The following MSRA variants were observed in gnomAD, a reference collection of about 807,000 sequenced individuals.
MSRA encodes methionine sulfoxide reductase A.
Under a neutral mutation model 31.3 loss-of-function variants are expected in MSRA, and 54 were observed. That is an observed-to-expected ratio of 1.73 (90% CI 1.39 to 2.17). The LOEUF is 2.17. Among genes scored for constraint, MSRA ranks in the 30% most tolerant of loss-of-function variants. The pLI, the probability that MSRA is intolerant of heterozygous loss-of-function variation, is 0.00. For missense variants in MSRA, 507 were observed against 300.9 expected, an observed-to-expected ratio of 1.69 and a Z score of -5.07; for synonymous variants, 169 against 116.5, an observed-to-expected ratio of 1.45 and a Z score of -2.90.
At chr8:10,203,737 T>C (rs1260770990) in intron 1 of MSRA, among the ~76,000 whole-genome samples, 10 of 152,224 alleles carry the variant, frequency 6.6e-5, no homozygotes, top group African/African-American at 2.4e-4. Context: ...CCTGCAGTTA[T>C]AAAAAACTGT....
At chr8:10,282,418 G>GTTT (rs1799670133) in intron 3 of MSRA, among the ~76,000 whole-genome samples, 1 of 152,188 alleles carries the variant, frequency 6.6e-6, no homozygotes, top group Non-Finnish European at 1.5e-5. Flanking sequence ...CAAGATGAAA[G>GTTT]CTACAAAAGT....
At chr8:10,414,771 C>T (rs1485473975) in intron 5 of MSRA, among the ~76,000 whole-genome samples, 1 of 152,134 alleles carries the variant, frequency 6.6e-6, no homozygotes, top group African/African-American at 2.4e-5. Context: ...CTTGGCTTTC[C>T]CTGAAAAGTG....
intron 3 of MSRA, among the ~76,000 whole-genome samples, chr8:10,253,215 T>C (rs1432950954): frequency 6.6e-6 from 1 of 152,216 alleles, no homozygotes; most frequent in African/African-American, 2.4e-5. Flanking sequence ...ACTCCAATAA[T>C]GTCAGGGTCT....
intron 4 of MSRA, among the ~76,000 whole-genome samples, chr8:10,312,717 C>T (rs1801500130): frequency 6.6e-6 from 1 of 152,124 alleles, no homozygotes; most frequent in African/African-American, 2.4e-5. Context: ...TTTTAGTTTC[C>T]TCCAACGAAC....
At chr8:10,330,920 G>T (rs530434963) in intron 5 of MSRA, among the ~76,000 whole-genome samples, 1 of 152,170 alleles carries the variant, frequency 6.6e-6, no homozygotes, top group Non-Finnish European at 1.5e-5. Context: ...ATGGTGTTTG[G>T]ACATGGGGCC....
chr8:10,153,910 T>C (rs1405474709), intron 1 of MSRA, among the ~76,000 whole-genome samples: 5 of 152,238 alleles, frequency 3.3e-5, no homozygotes, highest in African/African-American at 1.2e-4. Flanking sequence ...ATAAAAATTA[T>C]CCAAATGTTT....
intron 2 of MSRA, among the ~76,000 whole-genome samples, chr8:10,239,742 A>G (rs1009489183): frequency 1.3e-5 from 2 of 152,232 alleles, no homozygotes; most frequent in Non-Finnish European, 2.9e-5. Context: ...GTGTGGGAAC[A>G]AAAGCTACAA....
At chr8:10,304,529 T>G (rs1011702125) in intron 4 of MSRA, among the ~76,000 whole-genome samples, 1 of 152,214 alleles carries the variant, frequency 6.6e-6, no homozygotes, top group Non-Finnish European at 1.5e-5. Context: ...TGGGGAACCC[T>G]GAAGGTCCAA....
intron 1 of MSRA, among the ~76,000 whole-genome samples, chr8:10,081,649 C>T (rs571967121): frequency 1.5e-4 from 23 of 152,254 alleles, no homozygotes; most frequent in African/African-American, 5.3e-4. Context: ...ACAACGACGC[C>T]TGACAAATCT....
chr8:10,428,417 A>G lies in MSRA; in HGVS notation c.*105A>G, dbSNP rs1352257527. The stretch of plus-strand genomic sequence containing the variant: ...TCGTGGCATTTAAAGTGCACAAAGT[A>G]CAAAGGAATTTATACAGATTGGGTT... On this transcript the variant is annotated 3_prime_UTR_variant, in exon 6 of 6. Coordinates refer to ENST00000317173, the MANE Select transcript of MSRA (RefSeq NM_012331.5). 4.9e-6 allele frequency: 6 copies of G among 1,237,092 alleles called. No individual in the cohort carries two copies. The highest frequency in any genetic ancestry group is 2.5e-5 in the East Asian group (1 of 40,436). The allele number at this position is 1,237,092 out of a possible 1,614,324, so 76.6% of individuals were successfully genotyped here.
rs111438114 is a variant in MSRA at position 10,181,864 on chromosome 8, G to A, written c.143-25969G>A. On this transcript the variant is annotated intron_variant, in intron 1 of 5. Coordinates refer to ENST00000317173, the MANE Select transcript of MSRA (RefSeq NM_012331.5). ...TACCCTTGGGTCATGTACCTGCATG[G>A]GAAAAGCCTTTATCCTGACCCCAAG... Among the ~76,000 whole-genome samples, 569 of 152,306 alleles carry A rather than the reference G, an allele frequency of 3.7e-3. 2 individuals carry two copies. The highest frequency in any genetic ancestry group is 0.013 in the African/African-American group (549 of 41,560).
At chr8:10,250,718 G>T in intron 3 of MSRA, 1 of 506,470 alleles carries the variant, frequency 2.0e-6, no homozygotes, top group Non-Finnish European at 3.5e-6. Context: ...TGACTGTATG[G>T]TCTGCAAAAC....
At chr8:10,373,970 G>C (rs1345637336) in intron 5 of MSRA, among the ~76,000 whole-genome samples, 1 of 152,196 alleles carries the variant, frequency 6.6e-6, no homozygotes, top group African/African-American at 2.4e-5. Context: ...CTGGACCCAA[G>C]GGCAGATGCA....
intron 3 of MSRA, among the ~76,000 whole-genome samples, chr8:10,246,321 T>C (rs372035642): frequency 1.3e-5 from 2 of 152,338 alleles, no homozygotes; most frequent in East Asian, 3.9e-4. Context: ...GCAAATTCTG[T>C]CTCGAATACC....
intron 5 of MSRA, among the ~76,000 whole-genome samples, chr8:10,397,699 C>A (rs1807185584): frequency 1.3e-5 from 2 of 152,346 alleles, no homozygotes; most frequent in South Asian, 4.1e-4. Context: ...CTTATTCATG[C>A]TCTCATGCTC....
intron 1 of MSRA, among the ~76,000 whole-genome samples, chr8:10,132,579 G>C (rs1801975753): frequency 6.6e-6 from 1 of 152,142 alleles, no homozygotes; most frequent in Admixed American, 6.5e-5. Context: ...TCTGCTTCCT[G>C]GTTTACAGGT....
At chr8:10,420,376 G>A (rs1249743015) in intron 5 of MSRA, among the ~76,000 whole-genome samples, 3 of 151,148 alleles carry the variant, frequency 2.0e-5, no homozygotes, top group Non-Finnish European at 4.4e-5. Context: ...TGATAATATT[G>A]GGGCTTCTCA....
intron 1 of MSRA, among the ~76,000 whole-genome samples, chr8:10,182,585 G>T (rs1420513240): frequency 1.3e-5 from 2 of 152,074 alleles, no homozygotes; most frequent in African/African-American, 4.8e-5. Context: ...TTTATTTATT[G>T]TGGGCACATA....
intron 3 of MSRA, among the ~76,000 whole-genome samples, chr8:10,256,678 C>G (rs1398626026): frequency 1.3e-5 from 2 of 152,212 alleles, no homozygotes; most frequent in Non-Finnish European, 2.9e-5. Context: ...AAACTTCCAA[C>G]AGTACTTTTC....
Sources: gnomAD v4.1 joint callset for allele counts (sites outside exome capture counted in the v4.1 genomes callset) on GRCh38, gnomAD v4.1.1 for gene constraint, MANE v1.5 for transcripts, NCBI Gene and HGNC (gene_info 2026-07-23, HGNC 2026-07-21) for gene names.